The following OVGP1 variants were observed in gnomAD, a reference collection of about 807,000 sequenced individuals.
OVGP1 encodes the protein oviductal glycoprotein 1, also known as oviduct-specific glycoprotein.
A neutral mutation model predicts 48.2 loss-of-function variants in OVGP1; 26 were observed. The ratio of observed to expected loss-of-function variants is 0.54; its 90% CI spans 0.40 to 0.75. OVGP1 has a LOEUF of 0.75. OVGP1 is among the 30% of genes least tolerant of loss of function. The pLI is 0.00. For synonymous variants in OVGP1, 294 were observed against 305.7 expected, an observed-to-expected ratio of 0.96 and a Z score of 0.40; for missense variants, 791 against 820.6, an observed-to-expected ratio of 0.96 and a Z score of 0.44.
intron 8 of OVGP1, 38 bp downstream of exon 8, chr1:111,421,233 GGGAGA>G: frequency 6.5e-7 from 1 of 1,534,066 alleles, no homozygotes; most frequent in South Asian, 1.3e-5. Context: ...AGCTGGGGGT[GGGAGA>G]GTCCTAACTG....
chr1:111,423,655 A>T lies in OVGP1; in HGVS notation c.371T>A (p.Val124Asp), dbSNP rs778502647. The change falls in exon 5 of 11, where the codon GTT becomes GAT. Residue 124 changes from valine (V) to aspartate (D), a missense_variant. Physicochemically the swap from Val to Asp is radical, Grantham distance 152. Coordinates refer to ENST00000369732, the MANE Select transcript of OVGP1 (RefSeq NM_002557.4). ...FANREKFIASVISLLRTHDFD... is the reference protein window; with the variant it reads ...FANREKFIASDISLLRTHDFD... Reference sequence around the variant, plus strand: ...GTCATGTGTCCTCAGAAGGGATATAACTGAAGCAATAAACTTTTCACGGTT... The same window carrying T: ...GTCATGTGTCCTCAGAAGGGATATATCTGAAGCAATAAACTTTTCACGGTT... The T allele has an allele frequency of 6.2e-7, 1 of 1,614,182 alleles. No individual in the cohort carries two copies. Among genetic ancestry groups the T allele is most frequent in the Admixed American group, 1.7e-5 (1 of 60,030 alleles).
chr1:111,419,386 T>C (rs1442950889), intron 9 of OVGP1, among the ~76,000 whole-genome samples: 4 of 152,172 alleles, frequency 2.6e-5, no homozygotes, highest in Non-Finnish European at 1.5e-5. Flanking sequence ...GAACTATTTA[T>C]TCCCTCAGAA....
intron 4 of OVGP1, among the ~76,000 whole-genome samples, chr1:111,424,628 C>A (rs749203633): frequency 4.6e-4 from 70 of 152,226 alleles, no homozygotes; most frequent in Non-Finnish European, 7.9e-4. Context: ...GCATCTGGAG[C>A]ACAGGGAGTG....
chr1:111,416,324 A>G lies in OVGP1; in HGVS notation c.1155T>C (p.Ala385=). The change falls in exon 10 of 11, where the codon GCT becomes GCC. Residue 385 remains alanine, a splice_region_variant and synonymous_variant. Transcript: ENST00000369732. ...VYVLNDILVR[A]EFSSTSLPQF... ...AGCTTCTAGGTCACAGCTACTTACC[A>G]GCCCGCACCAGGATATCATTCAATA... is the stretch of plus-strand genomic sequence containing the variant. The G allele has an allele frequency of 1.3e-6, 2 of 1,579,486 alleles. No homozygotes were observed. The highest frequency in any genetic ancestry group is 1.7e-6 in the Non-Finnish European group (2 of 1,159,154).
intron 2 of OVGP1, 127 bp from the exon 3 acceptor site, chr1:111,426,768 T>A: frequency 6.5e-7 from 1 of 1,549,072 alleles, no homozygotes; most frequent in South Asian, 1.2e-5. Context: ...TCCCTGGCCC[T>A]GAAGTACACC....
rs751821085 is a variant in OVGP1, at chr1:111,415,225, G to A, written c.1276C>T (p.Pro426Ser). Residue 426 changes from proline (P) to serine (S), a missense_variant, in exon 11 of 11, where the codon CCA becomes TCA. Physicochemically the swap from Pro to Ser is moderately conservative, Grantham distance 74. Coordinates refer to ENST00000369732, the MANE Select transcript of OVGP1 (RefSeq NM_002557.4). ...TCAGTGACCCCAGCCTCTCCTCCTG[G>A]GGGCAAAATCTTACTATCAGTGGTC... is the stretch of plus-strand genomic sequence containing the variant. ...AWTTDSKILP[P>S]GGEAGVTEIH... The A allele has an allele frequency of 2.5e-6, 4 of 1,613,994 alleles. No individual in the cohort carries two copies. The highest frequency in any genetic ancestry group is 3.3e-5 in the Admixed American group (2 of 60,006).
intron 2 of OVGP1, 116 bp from the exon 3 acceptor site, chr1:111,426,757 C>G: frequency 6.5e-7 from 1 of 1,549,902 alleles, no homozygotes; most frequent in Non-Finnish European, 8.7e-7. Context: ...CACATCCTCT[C>G]TCCCTGGCCC....
intron 4 of OVGP1, among the ~76,000 whole-genome samples, chr1:111,424,322 G>T (rs193053019): frequency 6.6e-6 from 1 of 152,032 alleles, no homozygotes; most frequent in Non-Finnish European, 1.5e-5. Context: ...TTTCTCTTCC[G>T]TAGTGATGAC....
Position 111,427,229 on chromosome 1 carries a change from A to G in OVGP1, c.26-138T>C, listed in dbSNP as rs961201529. 6 of 1,516,880 alleles carry G rather than the reference A, an allele frequency of 4.0e-6. No individual in the cohort carries two copies. In the East Asian group the frequency reaches 7.2e-5, roughly 18 times the overall value. 94.0% of individuals were successfully genotyped at this position (1,516,880 alleles called of 1,614,324 possible). On this transcript the variant is annotated intron_variant, in intron 1 of 10. Transcript: ENST00000369732. ...GATGCAGACACACAAATGGGGACACACACACCATTTACTCGTTTCCTAGTT... is the reference window on the plus strand; with the variant it reads ...GATGCAGACACACAAATGGGGACACGCACACCATTTACTCGTTTCCTAGTT...
chr1:111,421,601 G>A lies in OVGP1; in HGVS notation c.681C>T (p.Ser227=). 6.2e-7 allele frequency: 1 copy of A among 1,612,882 alleles called. No individual in the cohort carries two copies. ...GSWERFTGHN[S]PLFSLPEDPK... ...GGTCTTCAGGCAGAGAGAAGAGGGG[G>A]CTATTATGTCCTGTGAACCTTTCCC... Residue 227 remains serine (S), a synonymous_variant, in exon 7 of 11, where the codon AGC becomes AGT. Transcript: ENST00000369732.
intron 6 of OVGP1, among the ~76,000 whole-genome samples, chr1:111,422,002 C>T (rs1652282520): frequency 6.6e-6 from 1 of 152,168 alleles, no homozygotes; most frequent in African/African-American, 2.4e-5. Context: ...TGTTCCATAG[C>T]TTGTCTTTCT....
Position 111,415,009 on chromosome 1 carries a change from C to G in OVGP1, c.1492G>C (p.Gly498Arg). ...TGTCCAGTGGTCACAGATTGATGAC[C>G]CACAGGGGTCAGGGCCTTCTCTCCA... Reference protein sequence around the residue: ...TPGEKALTPVGHQSVTTGQKT... With the variant: ...TPGEKALTPVRHQSVTTGQKT... Residue 498 changes from glycine (G) to arginine (R), a missense_variant, in exon 11 of 11, where the codon GGT becomes CGT. Coordinates refer to ENST00000369732, the MANE Select transcript of OVGP1 (RefSeq NM_002557.4). The G allele has an allele frequency of 6.2e-7, 1 of 1,610,906 alleles. No homozygotes were observed. Among genetic ancestry groups the G allele is most frequent in the African/African-American group, 1.3e-5 (1 of 74,900 alleles).
At chr1:111,427,022 ACT>A in intron 2 of OVGP1, 38 bp downstream of exon 2, 1 of 1,613,036 alleles carries the variant, frequency 6.2e-7, no homozygotes, top group Non-Finnish European at 8.5e-7. Flanking sequence ...TCAGCCAGAG[ACT>A]CTCCCTGGCT....
chr1:111,422,842 C>G (rs912777589), intron 6 of OVGP1, 85 bp downstream of exon 6: 51 of 1,533,756 alleles, frequency 3.3e-5, no homozygotes, highest in South Asian at 4.6e-5. Context: ...AGCTCAAAAA[C>G]AGTGCTTGGG....
At chr1:111,420,133 T>C (rs1032703731) in intron 8 of OVGP1, among the ~76,000 whole-genome samples, 2 of 152,194 alleles carry the variant, frequency 1.3e-5, no homozygotes, top group African/African-American at 2.4e-5. Flanking sequence ...ATATAGGTGG[T>C]TCTCAAACTA....
At chr1:111,419,859 G>C (rs1652220360) in intron 8 of OVGP1, 133 bp from the exon 9 acceptor site, 4 of 639,956 alleles carry the variant, frequency 6.3e-6, no homozygotes, top group Admixed American at 2.6e-5. Context: ...AAACCAAAGA[G>C]AGAATGGAGA....
chr1:111,415,458 A>G, intron 10 of OVGP1, 114 bp from the exon 11 acceptor site: 1 of 924,084 alleles, frequency 1.1e-6, no homozygotes, highest in Non-Finnish European at 1.6e-6. Flanking sequence ...AAAAATTCAG[A>G]AGTGTAAGAT....
intron 9 of OVGP1, among the ~76,000 whole-genome samples, chr1:111,416,987 C>T (rs1263235053): frequency 2.0e-5 from 3 of 152,156 alleles, no homozygotes; most frequent in Non-Finnish European, 4.4e-5. Context: ...AATTGCACAA[C>T]AACATGAATG....
intron 8 of OVGP1, among the ~76,000 whole-genome samples, chr1:111,420,946 A>G (rs1652252218): frequency 6.6e-6 from 1 of 152,146 alleles, no homozygotes; most frequent in Non-Finnish European, 1.5e-5. Flanking sequence ...CATATGTTTG[A>G]AATTATATAT....
Sources: gnomAD v4.1 joint callset for allele counts (sites outside exome capture counted in the v4.1 genomes callset) on GRCh38, gnomAD v4.1.1 for gene constraint, MANE v1.5 for transcripts, NCBI Gene and HGNC (gene_info 2026-07-23, HGNC 2026-07-21) for gene names.